Variants in HMGB1 observed in about 807,000 individuals in gnomAD.
HMGB1 encodes the protein high mobility group protein B1.
For missense variants in HMGB1, 79 were observed against 253.5 expected (o/e 0.31, Z 4.67); for synonymous variants, 81 against 84.0 (o/e 0.96, Z 0.19).
intron 1 of HMGB1, among the ~76,000 whole-genome samples, chr13:30,555,871 G>T: frequency 6.6e-6 from 1 of 152,132 alleles, no homozygotes. Context: ...TCGTCAAAAA[G>T]GAATGTATAA....
chr13:30,490,279 T>C (rs1001120611), intron 1 of HMGB1, among the ~76,000 whole-genome samples: 3 of 152,182 alleles, frequency 2.0e-5, no homozygotes, highest in African/African-American at 4.8e-5. Context: ...TCACTGTAGG[T>C]CTTGGCTCTA....
chr13:30,599,916 A>G (rs931428766), intron 1 of HMGB1, among the ~76,000 whole-genome samples: 14 of 152,356 alleles, frequency 9.2e-5, no homozygotes, highest in African/African-American at 3.4e-4. Flanking sequence ...GATTTATAGT[A>G]TAGTAACTGC....
At chr13:30,498,636 ATT>A (rs2137449596) in intron 1 of HMGB1, among the ~76,000 whole-genome samples, 1 of 99,358 alleles carries the variant, frequency 1.0e-5, no homozygotes, top group African/African-American at 3.1e-5. Context: ...AATTATTATT[ATT>A]ATTATTATTA....
At chr13:30,477,271 G>A (rs376520728) in intron 1 of HMGB1, among the ~76,000 whole-genome samples, 1 of 147,602 alleles carries the variant, frequency 6.8e-6, no homozygotes, top group African/African-American at 2.6e-5. Context: ...CCATTGTTGC[G>A]ATGGACTCCG....
In HMGB1 at chr13:30,465,165, C is replaced by T. The variant is rs901484005; in HGVS notation, c.-15+631G>A. 4.1e-6 allele frequency: 4 copies of T among 964,410 alleles called. No individual in the cohort carries two copies. The African/African-American group carries it at 7.2e-5, about 17-fold the overall frequency. The allele number at this position is 964,410 out of a possible 1,614,324, so 59.7% of individuals were successfully genotyped here. On this transcript the variant is annotated intron_variant, in intron 1 of 4. Transcript: ENST00000341423. ...CCCGAGTCAGCCATGTTCCAGCGAG[C>T]GCAGCGGCGCCGCTCCCCCCGCCGC...
At chr13:30,549,603 C>T (rs188755272) in intron 1 of HMGB1, among the ~76,000 whole-genome samples, 37 of 152,076 alleles carry the variant, frequency 2.4e-4, no homozygotes, top group African/African-American at 7.2e-4. Context: ...CTATGTTGCC[C>T]GGGCTAGTCT....
At chr13:30,549,432 C>T (rs1169724691) in intron 1 of HMGB1, among the ~76,000 whole-genome samples, 1 of 152,156 alleles carries the variant, frequency 6.6e-6, no homozygotes, top group African/African-American at 2.4e-5. Context: ...CACGCTGTTG[C>T]CCAGGCTGAG....
At chr13:30,463,873 C>G in intron 1 of HMGB1, 179 bp from the exon 2 acceptor site, 1 of 542,832 alleles carries the variant, frequency 1.8e-6, no homozygotes, top group Non-Finnish European at 3.1e-6. Context: ...GGGGCTATGC[C>G]AAGCAAACAA....
In HMGB1 at chr13:30,457,041, C is replaced by A. The variant is rs577567995; in HGVS notation, c.*4316G>T. The A allele has an allele frequency of 6.6e-6, 1 of 152,144 alleles. No individual in the cohort carries two copies. The highest frequency in any genetic ancestry group is 1.5e-5 in the Non-Finnish European group (1 of 68,024). 9.4% of individuals were successfully genotyped at this position (152,144 alleles called of 1,614,324 possible). A position where few individuals can be genotyped will look rare whatever the true frequency, so the allele number is the denominator to read the frequency against. On this transcript the variant is annotated 3_prime_UTR_variant, in exon 5 of 5. Transcript: ENST00000341423. ...TGGAGCACCATACTGTGGAATGTCACGTACATGACTGAATTATGTGACTAA... is the reference window on the plus strand; with the variant it reads ...TGGAGCACCATACTGTGGAATGTCAAGTACATGACTGAATTATGTGACTAA...
At chr13:30,518,740 T>C in intron 1 of HMGB1, among the ~76,000 whole-genome samples, 2 of 150,692 alleles carry the variant, frequency 1.3e-5, no homozygotes, top group South Asian at 2.1e-4. Flanking sequence ...GGTCTCACTC[T>C]CTTGCCTAGG....
rs1256049440 is a variant in HMGB1 at position 30,559,846 on chromosome 13, T to A, written c.-15+56825A>T. Among the ~76,000 whole-genome samples, 1 of 152,160 alleles carries A rather than the reference T, an allele frequency of 6.6e-6. No homozygotes were observed. Among genetic ancestry groups the A allele is most frequent in the Non-Finnish European group, 1.5e-5 (1 of 68,034 alleles). On this transcript the variant is annotated intron_variant, in intron 1 of 4. Transcript: ENST00000405805. The surrounding 1 kb of genome is among the most constrained non-coding windows in gnomAD (Gnocchi z 6.6). ...TGAAAGGGTATGTGACTGACAATTA[T>A]TAAACAATTAAGAGTATGACTAAGA...
At chr13:30,550,493 C>T (rs549322243) in intron 1 of HMGB1, among the ~76,000 whole-genome samples, 11 of 152,282 alleles carry the variant, frequency 7.2e-5, no homozygotes, top group African/African-American at 2.4e-4. Context: ...GAATCTAAAT[C>T]GAGTCCTCGT....
chr13:30,509,544 CAA>C (rs1439095900), intron 1 of HMGB1, among the ~76,000 whole-genome samples: 1 of 151,948 alleles, frequency 6.6e-6, no homozygotes, highest in Non-Finnish European at 1.5e-5. Flanking sequence ...GGCCGTGCCC[CAA>C]TATTCTTAAT....
chr13:30,599,169 T>C (rs1338904992), intron 1 of HMGB1, among the ~76,000 whole-genome samples: 6 of 152,134 alleles, frequency 3.9e-5, no homozygotes, highest in Non-Finnish European at 7.4e-5. Context: ...GCATGGGCTG[T>C]CGTAACGTAA....
chr13:30,475,189 A>C (rs1317254856), intron 1 of HMGB1, among the ~76,000 whole-genome samples: 2 of 102,690 alleles, frequency 1.9e-5, no homozygotes, highest in Non-Finnish European at 3.6e-5. Context: ...GCTGGAGTGC[A>C]GTGATGCGAC....
rs1239614582 is a variant in HMGB1 at position 30,459,428 on chromosome 13, TCA to T, written c.*1927_*1928del. ...TGAGCCAGAATTCATTTTAAATGGA[TCA>T]GAATTATTAATGTTGGTGATTAATG... On this transcript the variant is annotated 3_prime_UTR_variant, in exon 5 of 5. Transcript: ENST00000341423. The T allele has an allele frequency of 4.6e-5, 7 of 152,292 alleles. No individual in the cohort carries two copies. Among genetic ancestry groups the T allele is most frequent in the African/African-American group, 1.7e-4 (7 of 41,552 alleles). The allele number at this position is 152,292 out of a possible 1,614,324, so 9.4% of individuals were successfully genotyped here.
upstream of HMGB1, among the ~76,000 whole-genome samples, chr13:30,468,245 TTTG>T (rs992796824): frequency 2.0e-5 from 3 of 152,178 alleles, no homozygotes; most frequent in South Asian, 2.1e-4. Context: ...TAGTGAATTT[TTTG>T]TTGTTGTTGT....
chr13:30,496,261 T>C (rs924629079), intron 1 of HMGB1, among the ~76,000 whole-genome samples: 5 of 152,244 alleles, frequency 3.3e-5, no homozygotes, highest in Non-Finnish European at 5.9e-5. Flanking sequence ...TGATAGCAGA[T>C]GCAGATCATC....
chr13:30,457,205 T>A lies in HMGB1; in HGVS notation c.*4152A>T, dbSNP rs1886027808. On this transcript the variant is annotated 3_prime_UTR_variant, in exon 5 of 5. Transcript: ENST00000341423. The stretch of plus-strand genomic sequence containing the variant: ...GGCCTCACTATGTTGCCCAGGCTAG[T>A]GTCAAACTCCTGGCCTCAAGTGATC... The A allele has an allele frequency of 6.6e-6, 1 of 152,308 alleles. No individual in the cohort carries two copies. The highest frequency in any genetic ancestry group is 1.9e-4 in the East Asian group (1 of 5,190). The allele number at this position is 152,308 out of a possible 1,614,324, so 9.4% of individuals were successfully genotyped here.
Sources: gnomAD v4.1 joint callset for allele counts (sites outside exome capture counted in the v4.1 genomes callset) on GRCh38, gnomAD v4.1.1 for gene constraint, Gnocchi (gnomAD v3.1) non-coding constraint, MANE v1.5 for transcripts, NCBI Gene and HGNC (gene_info 2026-07-23, HGNC 2026-07-21) for gene names.